The following ZSCAN2 variants were observed in gnomAD, a reference collection of about 807,000 sequenced individuals.
ZSCAN2 encodes the protein zinc finger and SCAN domain-containing protein 2.
In ZSCAN2, 26 loss-of-function variants were observed where a neutral mutation model predicts 47.8. The ratio of observed to expected loss-of-function variants is 0.54; its 90% CI spans 0.40 to 0.75. The LOEUF (loss-of-function observed/expected upper bound fraction) is 0.75, where lower values mean the gene tolerates loss of function less well. Ranked by LOEUF, ZSCAN2 falls within the 30% of genes least tolerant of loss-of-function variation. The pLI, the probability that ZSCAN2 is intolerant of heterozygous loss-of-function variation, is 0.00. For synonymous variants in ZSCAN2, 305 were observed against 288.7 expected (o/e 1.06, Z -0.57); for missense variants, 732 against 785.4 (o/e 0.93, Z 0.81).
rs200321461 is a variant in ZSCAN2, at chr15:84,621,207, G to A, written c.1012G>A (p.Glu338Lys). 110 of 1,614,010 alleles carry A rather than the reference G, an allele frequency of 6.8e-5. No homozygotes were observed. The East Asian group carries it at 1.4e-3, about 20-fold the overall frequency. ...AGGAGAGAAACCCTACTCGTGCCCC[G>A]AGTGTGGAAAGAGCTTTGGCAACCG... The part of the protein sequence containing the change: ...HTGEKPYSCP[E>K]CGKSFGNRSS... The change falls in exon 3 of 3, where the codon GAG becomes AAG. Residue 338 changes from glutamate to lysine, a missense_variant. Around this residue, in one of 2 missense-constraint regions of ZSCAN2, gnomAD observed 412 missense variants for 498.0 expected, o/e 0.83. Transcript: ENST00000546148. This position sits in a 1 kb window ranked among gnomAD's most constrained non-coding sequence, Gnocchi z 5.7.
chr15:84,614,745 G>A (rs1248465686), intron 2 of ZSCAN2: 1 of 151,498 alleles, frequency 6.6e-6, no homozygotes, highest in African/African-American at 2.4e-5. Flanking sequence ...TCAGCCTCCG[G>A]AGTAGTTGGG....
chr15:84,621,701 C>A lies in ZSCAN2; in HGVS notation c.1506C>A (p.Tyr502Ter). 1 of 1,614,202 alleles carries A rather than the reference C, an allele frequency of 6.2e-7. No individual in the cohort carries two copies. The highest frequency in any genetic ancestry group is 1.1e-5 in the South Asian group (1 of 91,084). ...GGATCCACACGGGAGAGAAACCCTA[C>A]AAATGCAGCGAGTGTGGGAAATGCT... ...HQRIHTGEKP[Y>*]KCSECGKCFS... The change falls in exon 3 of 3, where the codon TAC becomes TAA. Residue 502 changes from tyrosine (Y) to a stop codon, truncating the protein, a stop_gained. Coordinates refer to ENST00000546148, the MANE Select transcript of ZSCAN2 (RefSeq NM_181877.4). LOFTEE classifies it high-confidence loss of function. This position sits in a 1 kb window ranked among gnomAD's most constrained non-coding sequence, Gnocchi z 5.7.
At chr15:84,602,303 G>T (rs951836424) in intron 1 of ZSCAN2, 8 of 152,028 alleles carry the variant, frequency 5.3e-5, no homozygotes, top group African/African-American at 1.9e-4. Context: ...TGGTTTTTCT[G>T]CCCTGCTGAT....
chr15:84,619,050 C>T (rs1272243304), intron 2 of ZSCAN2, among the ~76,000 whole-genome samples: 2 of 152,180 alleles, frequency 1.3e-5, no homozygotes, highest in South Asian at 2.1e-4. Context: ...CTATGTTCTT[C>T]TAGCAGTCCT....
At position 84,622,457 on chromosome 15, in the gene ZSCAN2, T is replaced by C; in HGVS notation, c.*417T>C. ...TGGTGTGGTTCTGGTTGTTTTGTTG[T>C]TTTGCTGCCACGTTGTTGGGCTAAG... On this transcript the variant is annotated 3_prime_UTR_variant, in exon 3 of 3. Transcript: ENST00000546148. 3.2e-6 allele frequency: 2 copies of C among 616,506 alleles called. No individual in the cohort carries two copies. The highest frequency in any genetic ancestry group is 5.9e-6 in the Non-Finnish European group (2 of 339,458). 38.2% of individuals were successfully genotyped at this position (616,506 alleles called of 1,614,324 possible).
At chr15:84,620,575 A>G in intron 2 of ZSCAN2, 27 bp from the exon 3 acceptor site, 1 of 1,562,294 alleles carries the variant, frequency 6.4e-7, no homozygotes, top group South Asian at 1.2e-5. Context: ...TTGAGTAGAC[A>G]TTGTATGTTT....
intron 1 of ZSCAN2, among the ~76,000 whole-genome samples, chr15:84,602,777 C>T (rs1020956471): frequency 5.9e-5 from 9 of 151,684 alleles, no homozygotes; most frequent in African/African-American, 1.9e-4. Flanking sequence ...TTGGTAGAGA[C>T]GGGGTTTCAC....
At chr15:84,603,762 G>A in intron 1 of ZSCAN2, 58 bp from the exon 2 acceptor site, 1 of 777,150 alleles carries the variant, frequency 1.3e-6, no homozygotes, top group Admixed American at 3.0e-5. Context: ...GCTTTTGTGA[G>A]TTAGATTGCT....
Position 84,603,941 on chromosome 15 carries a change from A to G in ZSCAN2, c.14A>G (p.Asp5Gly), listed in dbSNP as rs779928801. The change falls in exon 2 of 3, where the codon GAC (aspartate) becomes GGC (glycine). Residue 5 changes from aspartate (D) to glycine (G), a missense_variant. Physicochemically the swap from Asp to Gly is moderately conservative, Grantham distance 94. This residue lies in a region of ZSCAN2 where 320 missense variants were observed against 287.4 expected (regional missense o/e 1.11). Coordinates refer to ENST00000546148, the MANE Select transcript of ZSCAN2 (RefSeq NM_181877.4). Reference protein sequence around the residue: MMAADIPRVTTPLSS... With the variant: MMAAGIPRVTTPLSS... ...CCAGGACTGTGGATGATGGCTGCAG[A>G]CATCCCGAGAGTGACCACTCCGCTG... is the stretch of plus-strand genomic sequence containing the variant. The G allele has an allele frequency of 1.2e-5, 20 of 1,613,328 alleles. No homozygotes were observed. Among genetic ancestry groups the G allele is most frequent in the Non-Finnish European group, 1.7e-5 (20 of 1,179,674 alleles).
At chr15:84,609,700 C>T (rs754111896) in intron 2 of ZSCAN2, among the ~76,000 whole-genome samples, 20 of 152,180 alleles carry the variant, frequency 1.3e-4, no homozygotes, top group Non-Finnish European at 2.6e-4. Flanking sequence ...GGGCAGCGCT[C>T]TAATGGGGAG....
intron 2 of ZSCAN2, chr15:84,611,951 T>C (rs969258760): frequency 6.6e-6 from 1 of 152,132 alleles, no homozygotes; most frequent in Admixed American, 6.6e-5. Flanking sequence ...CACCATCTCC[T>C]CTCATCTCCA....
At chr15:84,610,693 G>A (rs1454681669) in intron 2 of ZSCAN2, among the ~76,000 whole-genome samples, 2 of 151,950 alleles carry the variant, frequency 1.3e-5, no homozygotes, top group Non-Finnish European at 2.9e-5. Context: ...CACCATGTTG[G>A]TCAGGCTGGT....
chr15:84,618,170 C>G (rs1366373854), intron 2 of ZSCAN2, among the ~76,000 whole-genome samples: 1 of 152,150 alleles, frequency 6.6e-6, no homozygotes, highest in African/African-American at 2.4e-5. Context: ...GTAATCCCAG[C>G]ACTATAAGAG....
chr15:84,623,084 C>CATTATT lies in ZSCAN2; in HGVS notation c.*1057_*1062dup, dbSNP rs957039150. On this transcript the variant is annotated 3_prime_UTR_variant, in exon 3 of 3. Coordinates refer to ENST00000546148, the MANE Select transcript of ZSCAN2 (RefSeq NM_181877.4). ...TCGGGTAGCTTTTGTATACTAAGAA[C>CATTATT]ATTATTATTATTATTATTTTTGAGA... 2 of 174,168 alleles carry CATTATT rather than the reference C, an allele frequency of 1.1e-5. No individual in the cohort carries two copies. The highest frequency in any genetic ancestry group is 2.7e-5 in the Non-Finnish European group (2 of 73,886). The allele number at this position is 174,168 out of a possible 1,614,324, so 10.8% of individuals were successfully genotyped here.
At chr15:84,611,345 A>G (rs140632280) in intron 2 of ZSCAN2, among the ~76,000 whole-genome samples, 1 of 152,096 alleles carries the variant, frequency 6.6e-6, no homozygotes, top group East Asian at 1.9e-4. Context: ...AGTCCCAACT[A>G]CTTGGGGGCT....
At chr15:84,607,023 G>A (rs1567007568) in intron 2 of ZSCAN2, 1 of 299,032 alleles carries the variant, frequency 3.3e-6, no homozygotes, top group Non-Finnish European at 4.9e-6. Flanking sequence ...TTCCAGGCCT[G>A]GTTAGTCAGT....
In ZSCAN2 at chr15:84,620,585, T is replaced by C; in HGVS notation, c.407-17T>C. On this transcript the variant is annotated splice_polypyrimidine_tract_variant and intron_variant, in intron 2 of 2. Transcript: ENST00000546148. ...GGGAGTTGAGTAGACATTGTATGTT[T>C]TTCTTCATTGTTTCAGATTTTGAGA... 4 of 1,582,338 alleles carry C rather than the reference T, an allele frequency of 2.5e-6. No individual in the cohort carries two copies. Among genetic ancestry groups the C allele is most frequent in the Non-Finnish European group, 2.6e-6 (3 of 1,156,774 alleles).
intron 2 of ZSCAN2, among the ~76,000 whole-genome samples, chr15:84,613,675 T>C (rs1319926872): frequency 4.6e-5 from 2 of 43,930 alleles, no homozygotes; most frequent in Non-Finnish European, 8.1e-5. Flanking sequence ...GTCAGTAATC[T>C]TTCTTTTTTT....
chr15:84,617,629 G>C (rs181521861), intron 2 of ZSCAN2, among the ~76,000 whole-genome samples: 1 of 151,410 alleles, frequency 6.6e-6, no homozygotes, highest in African/African-American at 2.4e-5. Context: ...TTATATGCCT[G>C]TTTTCAACTT....
Sources: gnomAD v4.1 joint callset for allele counts (sites outside exome capture counted in the v4.1 genomes callset) on GRCh38, gnomAD v4.1.1 for gene constraint, gnomAD v4.1.1 regional missense constraint, Gnocchi (gnomAD v3.1) non-coding constraint, MANE v1.5 for transcripts, NCBI Gene and HGNC (gene_info 2026-07-23, HGNC 2026-07-21) for gene names.